Variants in BRD9 observed in about 807,000 individuals in gnomAD.
The protein encoded by BRD9 is bromodomain-containing protein 9.
BRD9 carries 47 observed loss-of-function variants against 68.7 expected under a neutral mutation model. The ratio of observed to expected loss-of-function variants is 0.68; its 90% CI spans 0.54 to 0.87. The LOEUF (loss-of-function observed/expected upper bound fraction) is 0.87. Among genes scored for constraint, BRD9 ranks in the 40% least tolerant of loss-of-function variants. The probability of loss-of-function intolerance (pLI) is 0.00; values close to 1 mark genes in which losing one functional copy is unlikely to be tolerated. For synonymous variants in BRD9, 313 were observed against 293.9 expected (o/e 1.06, Z -0.67); for missense variants, 670 against 748.4 (o/e 0.90, Z 1.22).
chr5:890,767 C>A (rs1753235558), intron 3 of BRD9, among the ~76,000 whole-genome samples: 1 of 152,298 alleles, frequency 6.6e-6, no homozygotes, highest in South Asian at 2.1e-4. Flanking sequence ...CAAACAAAAC[C>A]AAACTTCAAG....
At chr5:886,868 C>CCTAAGAG in intron 6 of BRD9, 161 bp from the exon 7 acceptor site, 12 of 1,293,656 alleles carry the variant, frequency 9.3e-6, no homozygotes, top group Non-Finnish European at 1.3e-5. Flanking sequence ...CCTCACCTGG[C>CCTAAGAG]CTAAGAGCTA....
chr5:883,971 C>A lies in BRD9; in HGVS notation c.933G>T (p.Arg311=). ...ALVEHAADEA[R]DRINRFLPGG... ...CTGGGAGGAACCGGTTGATCCTGTC[C>A]CGAGCTTCGTCAGCTGCGTGCTCCA... Residue 311 remains arginine (R), a synonymous_variant, in exon 8 of 16, where the codon CGG becomes CGT. Transcript: ENST00000467963. 1 of 1,613,344 alleles carries A rather than the reference C, an allele frequency of 6.2e-7. No homozygotes were observed. The highest frequency in any genetic ancestry group is 8.5e-7 in the Non-Finnish European group (1 of 1,180,020).
At position 864,394 on chromosome 5, in the gene BRD9, T is replaced by A; in HGVS notation, c.*74A>T. 1.5e-6 allele frequency: 2 copies of A among 1,293,022 alleles called. No homozygotes were observed. Among genetic ancestry groups the A allele is most frequent in the Non-Finnish European group, 2.1e-6 (2 of 932,444 alleles). 80.1% of individuals were successfully genotyped at this position (1,293,022 alleles called of 1,614,324 possible). A position where few individuals can be genotyped will look rare whatever the true frequency, so the allele number is the denominator to read the frequency against. ...AAAGGGGACAGGATCAAAGTCCTTG[T>A]CTGATGACAAAAACTCTACACGTGC... On this transcript the variant is annotated 3_prime_UTR_variant, in exon 16 of 16. Transcript: ENST00000467963.
intron 3 of BRD9, 87 bp from the exon 4 acceptor site, chr5:889,734 G>C (rs2150653044): frequency 6.3e-7 from 1 of 1,581,640 alleles, no homozygotes; most frequent in Non-Finnish European, 8.6e-7. Context: ...CTGTCTGTCT[G>C]GTGTCTCACA....
At chr5:883,402 G>A (rs1431181855) in intron 8 of BRD9, 6 of 456,856 alleles carry the variant, frequency 1.3e-5, no homozygotes, top group Non-Finnish European at 2.6e-5. Context: ...TGAGACTGCA[G>A]ACAGCCTGTG....
intron 3 of BRD9, 199 bp from the exon 4 acceptor site, chr5:889,846 G>A (rs1340527078): frequency 3.6e-5 from 42 of 1,174,954 alleles, no homozygotes; most frequent in Non-Finnish European, 4.7e-5. Context: ...CCCACAGCAG[G>A]AGTCATAAAA....
In BRD9 at chr5:864,269, G is replaced by A. The variant is rs370072183; in HGVS notation, c.*199C>T. The A allele has an allele frequency of 6.4e-6, 3 of 465,452 alleles. No individual in the cohort carries two copies. Among genetic ancestry groups the A allele is most frequent in the Admixed American group, 3.5e-5 (1 of 28,794 alleles). The allele number at this position is 465,452 out of a possible 1,614,324, so 28.8% of individuals were successfully genotyped here. On this transcript the variant is annotated 3_prime_UTR_variant, in exon 16 of 16. Transcript: ENST00000467963. ...CTGACACGATGGCCATATGGCCTTC[G>A]CGTATGACTCCACTCCTCAGGGTTC...
chr5:865,685 CAAT>C lies in BRD9; in HGVS notation c.1526-107_1526-105del, dbSNP rs531061106. The C allele has an allele frequency of 1.9e-4, 248 of 1,277,512 alleles. No individual in the cohort carries two copies. The African/African-American group carries it at 3.5e-3, about 18-fold the overall frequency. 79.1% of individuals were successfully genotyped at this position (1,277,512 alleles called of 1,614,324 possible). ...TCCAGACAGGCCTCTCTGCTCAGGA[CAAT>C]AATTGCTCTGGAAACTGAGTGGACG... On this transcript the variant is annotated intron_variant, in intron 14 of 15. Transcript: ENST00000467963.
intron 5 of BRD9, 96 bp from the exon 6 acceptor site, chr5:887,567 C>T (rs1013841101): frequency 1.1e-6 from 1 of 919,326 alleles, no homozygotes; most frequent in East Asian, 2.4e-5. Flanking sequence ...GAAAAAGCTA[C>T]AATCGAGTAG....
chr5:864,311 C>G lies in BRD9; in HGVS notation c.*157G>C. On this transcript the variant is annotated 3_prime_UTR_variant, in exon 16 of 16. Coordinates refer to ENST00000467963, the MANE Select transcript of BRD9 (RefSeq NM_023924.5). ...TCAGGGTTCGTGGGGCTTGGAGACT[C>G]TGCTGACATGATACCACAGACAATT... 1.7e-6 allele frequency: 1 copy of G among 583,464 alleles called. No individual in the cohort carries two copies. Among genetic ancestry groups the G allele is most frequent in the South Asian group, 2.1e-5 (1 of 47,632 alleles). 36.1% of individuals were successfully genotyped at this position (583,464 alleles called of 1,614,324 possible).
rs77141166 is a variant in BRD9, at chr5:891,370, G to C, written c.268-83C>G. On this transcript the variant is annotated intron_variant, in intron 2 of 15. Coordinates refer to ENST00000467963, the MANE Select transcript of BRD9 (RefSeq NM_023924.5). ...CTGCCCAATCCCCTCGCAGTTCTCA[G>C]GGGAGGGACAGAACTAAGGGAAACC... 7,073 of 1,493,996 alleles carry C rather than the reference G, an allele frequency of 4.7e-3. 197 individuals are homozygous for C. In the African/African-American group the frequency reaches 0.072, roughly 15 times the overall value. 92.5% of individuals were successfully genotyped at this position (1,493,996 alleles called of 1,614,324 possible).
At chr5:887,308 G>C in intron 6 of BRD9, 53 bp downstream of exon 6, 1 of 1,461,658 alleles carries the variant, frequency 6.8e-7, no homozygotes, top group Non-Finnish European at 9.6e-7. Flanking sequence ...CACAAGCGAC[G>C]GGGGGCAGAG....
chr5:883,677 C>A (rs1752129002), intron 8 of BRD9: 2 of 551,214 alleles, frequency 3.6e-6, no homozygotes, highest in Non-Finnish European at 6.5e-6. Flanking sequence ...TGCAGCAGGG[C>A]CTCCATCAAG....
chr5:876,221 G>A lies in BRD9; in HGVS notation c.1272-9C>T. 6.2e-7 allele frequency: 1 copy of A among 1,607,474 alleles called. No individual in the cohort carries two copies. Among genetic ancestry groups the A allele is most frequent in the Non-Finnish European group, 8.5e-7 (1 of 1,174,542 alleles). On this transcript the variant is annotated splice_polypyrimidine_tract_variant and intron_variant, in intron 11 of 15. Transcript: ENST00000467963. ...TCACAAACTCCTGCAGGCTAGAGGGGCCGCGGGAGAAGGTACGCTGAAAGG... is the reference window on the plus strand; with the variant it reads ...TCACAAACTCCTGCAGGCTAGAGGGACCGCGGGAGAAGGTACGCTGAAAGG...
intron 3 of BRD9, 31 bp from the exon 4 acceptor site, chr5:889,678 C>T (rs777336573): frequency 2.5e-6 from 4 of 1,609,666 alleles, no homozygotes; most frequent in Non-Finnish European, 3.4e-6. Flanking sequence ...AAATTGAATA[C>T]AAGACTTTGG....
chr5:864,217 C>A lies in BRD9; in HGVS notation c.*251G>T, dbSNP rs957960155. 1 of 313,454 alleles carries A rather than the reference C, an allele frequency of 3.2e-6. No homozygotes were observed. The highest frequency in any genetic ancestry group is 5.9e-6 in the Non-Finnish European group (1 of 170,638). The allele number at this position is 313,454 out of a possible 1,614,324, so 19.4% of individuals were successfully genotyped here. On this transcript the variant is annotated 3_prime_UTR_variant, in exon 16 of 16. Coordinates refer to ENST00000467963, the MANE Select transcript of BRD9 (RefSeq NM_023924.5). ...GTATGACTCCACTCCTCAGGGTTCACGGGGCTGTGTACAGAGACTCTCTCT... is the reference window on the plus strand; with the variant it reads ...GTATGACTCCACTCCTCAGGGTTCAAGGGGCTGTGTACAGAGACTCTCTCT...
intron 8 of BRD9, chr5:883,109 G>A (rs775454813): frequency 4.7e-5 from 17 of 358,116 alleles, no homozygotes; most frequent in Non-Finnish European, 8.2e-5. Flanking sequence ...CACGCAGACC[G>A]CAACCTCGCA....
At chr5:877,085 C>T (rs951674054) in intron 11 of BRD9, among the ~76,000 whole-genome samples, 11 of 152,222 alleles carry the variant, frequency 7.2e-5, no homozygotes, top group African/African-American at 2.7e-4. Context: ...CAACATGGAA[C>T]CTGATGCGTT....
chr5:891,581 C>G, intron 2 of BRD9, 59 bp downstream of exon 2: 2 of 1,529,846 alleles, frequency 1.3e-6, no homozygotes, highest in South Asian at 2.5e-5. Context: ...GGTCCTGGGA[C>G]CAGGCTCCCC....
Sources: gnomAD v4.1 joint callset for allele counts (sites outside exome capture counted in the v4.1 genomes callset) on GRCh38, gnomAD v4.1.1 for gene constraint, MANE v1.5 for transcripts, NCBI Gene and HGNC (gene_info 2026-07-23, HGNC 2026-07-21) for gene names.